The following PRPF19 variants were observed in gnomAD, a reference collection of about 807,000 sequenced individuals.
PRPF19 encodes pre-mRNA processing factor 19.
In PRPF19, 2 loss-of-function variants were observed where a neutral mutation model predicts 64.2. The observed-to-expected ratio is 0.03, with a 90% confidence interval of 0.01 to 0.10. The LOEUF (loss-of-function observed/expected upper bound fraction) is 0.10. Among genes scored for constraint, PRPF19 ranks in the 10% least tolerant of loss-of-function variants. PRPF19 has a pLI of 1.00. For synonymous variants in PRPF19, 226 were observed against 251.6 expected (o/e 0.90, Z 0.96); for missense variants, 314 against 650.0 (o/e 0.48, Z 5.62).
chr11:60,906,342 C>T, intron 1 of PRPF19, 22 bp downstream of exon 1: 1 of 1,597,726 alleles, frequency 6.3e-7, no homozygotes, highest in Non-Finnish European at 8.5e-7. Flanking sequence ...GAGACCCGCG[C>T]TTGGCCGCAG....
Position 60,890,892 on chromosome 11 carries a change from C to G in PRPF19, c.*274G>C. 1.8e-6 allele frequency: 1 copy of G among 569,256 alleles called. No individual in the cohort carries two copies. Among genetic ancestry groups the G allele is most frequent in the South Asian group, 1.5e-5 (1 of 65,594 alleles). 35.3% of individuals were successfully genotyped at this position (569,256 alleles called of 1,614,324 possible). A position where few individuals can be genotyped will look rare whatever the true frequency, so the allele number is the denominator to read the frequency against. On this transcript the variant is annotated 3_prime_UTR_variant, in exon 16 of 16. Coordinates refer to ENST00000227524, the MANE Select transcript of PRPF19 (RefSeq NM_014502.5). ...AGCCACCACCACGTCCATTGAACGA[C>G]AGGAAGGGAGAGGCCCTGGGCTCCG...
In PRPF19 at chr11:60,903,489, C is replaced by A. The variant is rs774634222; in HGVS notation, c.216G>T (p.Pro72=). The change falls in exon 3 of 16, where the codon CCG becomes CCT. Residue 72 remains proline, a synonymous_variant. Coordinates refer to ENST00000227524, the MANE Select transcript of PRPF19 (RefSeq NM_014502.5). ...RPKPPSATSI[P]AILKALQDEW... Reference sequence around the variant, plus strand: ...CATCCTGCAAAGCTTTCAGAATGGCCGGGATGCTGGTGGCTGAGGGAGGCT... The same window carrying A: ...CATCCTGCAAAGCTTTCAGAATGGCAGGGATGCTGGTGGCTGAGGGAGGCT... 6.2e-7 allele frequency: 1 copy of A among 1,613,912 alleles called. No individual in the cohort carries two copies. Among genetic ancestry groups the A allele is most frequent in the Admixed American group, 1.7e-5 (1 of 60,006 alleles).
chr11:60,897,919 G>A lies in PRPF19; in HGVS notation c.1344C>T (p.Thr448=). The A allele has an allele frequency of 6.2e-7, 1 of 1,614,188 alleles. No homozygotes were observed. Among genetic ancestry groups the A allele is most frequent in the Non-Finnish European group, 8.5e-7 (1 of 1,180,044 alleles). The change falls in exon 15 of 16, where the codon ACC becomes ACT. Residue 448 remains threonine, a synonymous_variant. Transcript: ENST00000227524. The part of the protein sequence containing the change: ...VKSLIFDQSG[T]YLALGGTDVQ... ...CATCCGTGCCCCCAAGAGCCAGGTA[G>A]GTACCACTCTGGTCAAAGATCAGTG...
chr11:60,898,280 G>A lies in PRPF19; in HGVS notation c.1141-9C>T, dbSNP rs1565110430. Reference sequence around the variant, plus strand: ...GCCACATTAGTACGTTCCTACAGTGGCGGTGGGTAGTAAAATACGTCACCC... The same window carrying A: ...GCCACATTAGTACGTTCCTACAGTGACGGTGGGTAGTAAAATACGTCACCC... On this transcript the variant is annotated splice_polypyrimidine_tract_variant and intron_variant, in intron 13 of 15. Coordinates refer to ENST00000227524, the MANE Select transcript of PRPF19 (RefSeq NM_014502.5). The surrounding 1 kb of genome is among the most constrained non-coding windows in gnomAD (Gnocchi z 4.6). The A allele has an allele frequency of 6.2e-7, 1 of 1,612,034 alleles. No homozygotes were observed. The highest frequency in any genetic ancestry group is 8.5e-7 in the Non-Finnish European group (1 of 1,179,568).
rs1856012512 is a variant in PRPF19, at chr11:60,903,816, T to C, written c.65A>G (p.Asn22Ser). The C allele has an allele frequency of 6.2e-7, 1 of 1,608,352 alleles. No individual in the cohort carries two copies. The highest frequency in any genetic ancestry group is 1.7e-5 in the Admixed American group (1 of 57,256). The change falls in exon 2 of 16, where the codon AAT (asparagine) becomes AGT (serine). Residue 22 changes from asparagine (N) to serine (S), a missense_variant. By Grantham distance (46) the Asn-to-Ser change is conservative. Transcript: ENST00000227524. ...GATGAGCCGCCGCTCATAAACATGA[T>C]TAGAGACAGGGGATACACATGGGTG... ...PEHPCVSPVS[N>S]HVYERRLIEK...
At chr11:60,903,588 C>CAG in intron 2 of PRPF19, 53 bp from the exon 3 acceptor site, 1 of 1,601,608 alleles carries the variant, frequency 6.2e-7, no homozygotes, top group Non-Finnish European at 8.5e-7. Context: ...CCTCCCCCGC[C>CAG]ATCACATCTT....
Position 60,890,838 on chromosome 11 carries a change from C to T in PRPF19, c.*328G>A, listed in dbSNP as rs1343766449. On this transcript the variant is annotated 3_prime_UTR_variant, in exon 16 of 16. Coordinates refer to ENST00000227524, the MANE Select transcript of PRPF19 (RefSeq NM_014502.5). The stretch of plus-strand genomic sequence containing the variant: ...CCTTGGCTCAGCCTCTCCTGTCTCA[C>T]AGGAACTGCAACAAAATGGGTGTGG... 4 of 498,550 alleles carry T rather than the reference C, an allele frequency of 8.0e-6. No homozygotes were observed. Among genetic ancestry groups the T allele is most frequent in the Non-Finnish European group, 1.6e-5 (4 of 254,974 alleles). The allele number at this position is 498,550 out of a possible 1,614,324, so 30.9% of individuals were successfully genotyped here. A position where few individuals can be genotyped will look rare whatever the true frequency, so the allele number is the denominator to read the frequency against.
Position 60,903,449 on chromosome 11 carries a change from A to C in PRPF19, c.246+10T>G. On this transcript the variant is annotated intron_variant, in intron 3 of 15. Coordinates refer to ENST00000227524, the MANE Select transcript of PRPF19 (RefSeq NM_014502.5). Reference sequence around the variant, plus strand: ...GTGGGGAAGATGCTGATTCTCTTGCAGGAACTCACCCACTCATCCTGCAAA... The same window carrying C: ...GTGGGGAAGATGCTGATTCTCTTGCCGGAACTCACCCACTCATCCTGCAAA... The C allele has an allele frequency of 6.2e-7, 1 of 1,610,484 alleles. No homozygotes were observed.
At chr11:60,904,846 C>G (rs189577266) in intron 1 of PRPF19, among the ~76,000 whole-genome samples, 1 of 152,184 alleles carries the variant, frequency 6.6e-6, no homozygotes, top group Non-Finnish European at 1.5e-5. Context: ...TCACTAGTGA[C>G]GACTTCAGTT....
rs535058105 is a variant in PRPF19 at position 60,903,550 on chromosome 11, A to C, written c.170-15T>G. On this transcript the variant is annotated splice_polypyrimidine_tract_variant and intron_variant, in intron 2 of 15. Transcript: ENST00000227524. ...TGGGTGAGCAACTGCCGAAAGGGAA[A>C]GCAGGTATGAAGAACATAACCCAGG... 50 of 1,613,774 alleles carry C rather than the reference A, an allele frequency of 3.1e-5. No homozygotes were observed. The Middle Eastern group carries it at 5.0e-4, about 16-fold the overall frequency.
At position 60,890,973 on chromosome 11, in the gene PRPF19, C is replaced by T; in HGVS notation, c.*193G>A. ...CCTTCCACATCCGTTCCCATGGGGC[C>T]TGGAGTTGCATGGATGAGGGTGGTC... On this transcript the variant is annotated 3_prime_UTR_variant, in exon 16 of 16. Coordinates refer to ENST00000227524, the MANE Select transcript of PRPF19 (RefSeq NM_014502.5). 2 of 620,290 alleles carry T rather than the reference C, an allele frequency of 3.2e-6. No homozygotes were observed. The highest frequency in any genetic ancestry group is 3.5e-5 in the South Asian group (2 of 56,690). 38.4% of individuals were successfully genotyped at this position (620,290 alleles called of 1,614,324 possible).
chr11:60,901,227 C>T (rs1049892087), intron 8 of PRPF19, 68 bp downstream of exon 8: 1 of 1,546,968 alleles, frequency 6.5e-7, no homozygotes, highest in Non-Finnish European at 8.9e-7. Flanking sequence ...ACTCCCCATG[C>T]TGGCCCGCCC....
chr11:60,903,108 T>C (rs888954352), intron 3 of PRPF19, among the ~76,000 whole-genome samples: 3 of 152,074 alleles, frequency 2.0e-5, no homozygotes, highest in Admixed American at 1.3e-4. Flanking sequence ...CTCTTTCCCA[T>C]CCCCACCTTC....
intron 15 of PRPF19, among the ~76,000 whole-genome samples, chr11:60,895,642 T>C (rs887404359): frequency 6.6e-6 from 1 of 152,220 alleles, no homozygotes; most frequent in South Asian, 2.1e-4. Context: ...TATTTGGTGT[T>C]GAGGCCTAGC....
intron 1 of PRPF19, among the ~76,000 whole-genome samples, chr11:60,905,024 A>C (rs1236860251): frequency 1.3e-5 from 2 of 152,354 alleles, no homozygotes; most frequent in East Asian, 3.9e-4. Context: ...TCCAAGGAGC[A>C]AAGTGGCAAT....
chr11:60,906,112 T>G (rs1033223725), intron 1 of PRPF19, among the ~76,000 whole-genome samples: 2 of 152,218 alleles, frequency 1.3e-5, no homozygotes, highest in African/African-American at 4.8e-5. Context: ...CTGTTTCCAC[T>G]CTGTAGAATG....
At position 60,906,399 on chromosome 11, in the gene PRPF19, T is replaced by C. The variant is rs1856047906; in HGVS notation, c.-17A>G. 1.3e-6 allele frequency: 2 copies of C among 1,572,028 alleles called. No homozygotes were observed. The highest frequency in any genetic ancestry group is 1.7e-6 in the Non-Finnish European group (2 of 1,161,562). Reference sequence around the variant, plus strand: ...TAGGGACATGGCGCCGTCACCGTGCTCCGAGGCGCCACACGCCGGGCTCCG... The same window carrying C: ...TAGGGACATGGCGCCGTCACCGTGCCCCGAGGCGCCACACGCCGGGCTCCG... On this transcript the variant is annotated 5_prime_UTR_variant, in exon 1 of 16. Coordinates refer to ENST00000227524, the MANE Select transcript of PRPF19 (RefSeq NM_014502.5).
Position 60,900,412 on chromosome 11 carries a change from G to A in PRPF19, c.828+170C>T, listed in dbSNP as rs116808345. 4.0e-3 allele frequency among the ~76,000 whole-genome samples: 603 copies of A among 152,256 alleles called. 3 individuals are homozygous for A. The highest frequency in any genetic ancestry group is 0.013 in the African/African-American group (549 of 41,506). On this transcript the variant is annotated intron_variant, in intron 10 of 15. Transcript: ENST00000227524. Reference sequence around the variant, plus strand: ...AGATCACTGCTTTAGAAGGTCTCACGCAGAGTGAAGGGCAATCTCCACAAC... The same window carrying A: ...AGATCACTGCTTTAGAAGGTCTCACACAGAGTGAAGGGCAATCTCCACAAC...
At position 60,902,607 on chromosome 11, in the gene PRPF19, C is replaced by T. The variant is rs1855995994; in HGVS notation, c.438G>A (p.Val146=). ...CCACAACACTTGGTTGGGAACTTGG[C>T]ACAGCCTGGGGCACAATGAGGCCAG... ...PQAGLIVPQA[V]PSSQPSVVGA... is the part of the protein sequence containing the mutation. Residue 146 remains valine, a synonymous_variant, in exon 5 of 16, where the codon GTG becomes GTA. Transcript: ENST00000227524. This position sits in a 1 kb window ranked among gnomAD's most constrained non-coding sequence, Gnocchi z 5.0. 1 of 1,614,122 alleles carries T rather than the reference C, an allele frequency of 6.2e-7. No individual in the cohort carries two copies. The highest frequency in any genetic ancestry group is 8.5e-7 in the Non-Finnish European group (1 of 1,179,976).
Sources: gnomAD v4.1 joint callset for allele counts (sites outside exome capture counted in the v4.1 genomes callset) on GRCh38, gnomAD v4.1.1 for gene constraint, Gnocchi (gnomAD v3.1) non-coding constraint, MANE v1.5 for transcripts, NCBI Gene and HGNC (gene_info 2026-07-23, HGNC 2026-07-21) for gene names.